EYS: variants seen among roughly 807,000 people sequenced by gnomAD.
EYS encodes EGF-like photoreceptor maintenance factor, also known as protein eyes shut homolog.
A neutral mutation model predicts 282.1 loss-of-function variants in EYS; 250 were observed. The observed-to-expected ratio is 0.89, with a 90% CI of 0.80 to 0.98. EYS has a LOEUF of 0.98. EYS is among the 50% of genes least tolerant of loss of function. EYS has a pLI of 0.00. For synonymous variants in EYS, 1,355 were observed against 1,282.9 expected (o/e 1.06, Z -1.20); for missense variants, 4,016 against 3,709.0 (o/e 1.08, Z -2.15).
intron 19 of EYS, among the ~76,000 whole-genome samples, chr6:64,828,305 A>C (rs2150026374): frequency 6.6e-6 from 1 of 152,034 alleles, no homozygotes; most frequent in South Asian, 2.1e-4. Flanking sequence ...GGAATCCCTA[A>C]AGTAAAAGGG....
At chr6:65,053,080 G>T (rs191939912) in intron 13 of EYS, among the ~76,000 whole-genome samples, 1 of 151,880 alleles carries the variant, frequency 6.6e-6, no homozygotes, top group East Asian at 1.9e-4. Context: ...CTCTGCAGAA[G>T]TAATTACACC....
chr6:64,090,443 T>G (rs1486309066), intron 31 of EYS, among the ~76,000 whole-genome samples: 1 of 152,174 alleles, frequency 6.6e-6, no homozygotes, highest in African/African-American at 2.4e-5. Context: ...TGTAATCTTT[T>G]TCAATATAGA....
chr6:64,121,527 G>GTTATGTTTAACATCATCTTGT (rs1420633385), intron 31 of EYS, among the ~76,000 whole-genome samples: 1 of 152,212 alleles, frequency 6.6e-6, no homozygotes, highest in Non-Finnish European at 1.5e-5. Flanking sequence ...ATCATCTTGT[G>GTTATGTTTAACATCATCTTGT]GCCTAATGGT....
intron 13 of EYS, among the ~76,000 whole-genome samples, chr6:65,023,235 A>T (rs2150139632): frequency 6.6e-6 from 1 of 152,258 alleles, no homozygotes; most frequent in East Asian, 1.9e-4. Context: ...TTTTAATTAT[A>T]TTAACTGCGG....
chr6:63,829,353 C>A (rs549016754), intron 36 of EYS, among the ~76,000 whole-genome samples: 2 of 152,152 alleles, frequency 1.3e-5, no homozygotes, highest in African/African-American at 2.4e-5. Flanking sequence ...AAAATTGGGA[C>A]ACTCCCACCC....
chr6:65,426,248 T>C (rs187585077), intron 5 of EYS, among the ~76,000 whole-genome samples: 39 of 152,162 alleles, frequency 2.6e-4, no homozygotes, highest in Admixed American at 5.2e-4. Context: ...AGTGATGAGA[T>C]TACTTAAGGC....
intron 26 of EYS, among the ~76,000 whole-genome samples, chr6:64,557,667 C>T (rs1765273599): frequency 6.6e-6 from 1 of 151,894 alleles, no homozygotes; most frequent in Non-Finnish European, 1.5e-5. Flanking sequence ...TAACTATTAA[C>T]TTTATTACTA....
chr6:64,700,097 G>A (rs1583056023), intron 22 of EYS, among the ~76,000 whole-genome samples: 1 of 151,934 alleles, frequency 6.6e-6, no homozygotes, highest in Non-Finnish European at 1.5e-5. Flanking sequence ...ATCAATAAAT[G>A]TGATTCCCCA....
intron 31 of EYS, among the ~76,000 whole-genome samples, chr6:64,133,633 T>A (rs2150283367): frequency 6.6e-6 from 1 of 152,168 alleles, no homozygotes; most frequent in African/African-American, 2.4e-5. Flanking sequence ...ATTTTCTCCA[T>A]ATCTTGTATT....
intron 1 of EYS, among the ~76,000 whole-genome samples, chr6:65,660,171 TA>T: frequency 6.6e-6 from 1 of 151,888 alleles, no homozygotes; most frequent in South Asian, 2.1e-4. Context: ...TGTGCAAATG[TA>T]AAAAATCATG....
chr6:64,422,529 G>A (rs1221760284), intron 28 of EYS, among the ~76,000 whole-genome samples: 1 of 152,182 alleles, frequency 6.6e-6, no homozygotes, highest in East Asian at 1.9e-4. Context: ...GGATGCCTCA[G>A]GGAGGAAACA....
At chr6:64,682,682 A>T (rs1769942440) in intron 22 of EYS, among the ~76,000 whole-genome samples, 1 of 152,164 alleles carries the variant, frequency 6.6e-6, no homozygotes, top group South Asian at 2.1e-4. Context: ...AGGGAGTAGT[A>T]TTGAGAAAGA....
At chr6:64,072,367 A>G (rs532488062) in intron 32 of EYS, among the ~76,000 whole-genome samples, 56 of 150,802 alleles carry the variant, frequency 3.7e-4, no homozygotes, top group South Asian at 2.3e-3. Flanking sequence ...TCTGAGATCC[A>G]TTAGCAGGTT....
intron 30 of EYS, among the ~76,000 whole-genome samples, chr6:64,280,333 T>C (rs1287115478): frequency 6.6e-6 from 1 of 152,096 alleles, no homozygotes; most frequent in Non-Finnish European, 1.5e-5. Flanking sequence ...GCAGGTGACT[T>C]AACCTCACCT....
chr6:63,846,027 G>A (rs1184998768), intron 36 of EYS, among the ~76,000 whole-genome samples: 1 of 152,146 alleles, frequency 6.6e-6, no homozygotes, highest in Non-Finnish European at 1.5e-5. Flanking sequence ...ATAAAGGAGA[G>A]AGGTTTAATG....
rs34663169 is a variant in EYS at position 64,249,063 on chromosome 6, C to CAAAAAAAAAAAAA, written c.6192-18252_6192-18240dup. Reference sequence around the variant, plus strand: ...TGGGCTACAGAGTGACACCCTGTCTCAAAAAAAAAAAAAAAAAAAAAAGAT... The same window carrying CAAAAAAAAAAAAA: ...TGGGCTACAGAGTGACACCCTGTCTCAAAAAAAAAAAAAAAAAAAAAAAAAAAAAAAAAAAGAT... On this transcript the variant is annotated intron_variant, in intron 30 of 42. Transcript: ENST00000503581. 1.6e-4 allele frequency among the ~76,000 whole-genome samples: 11 copies of CAAAAAAAAAAAAA among 70,054 alleles called. 2 individuals carry two copies. Among genetic ancestry groups the CAAAAAAAAAAAAA allele is most frequent in the African/African-American group, 6.3e-4 (9 of 14,222 alleles). 46.0% of individuals were successfully genotyped at this position (70,054 alleles called of 152,430 possible).
chr6:64,984,686 G>A (rs1448999871), intron 14 of EYS, among the ~76,000 whole-genome samples: 2 of 151,348 alleles, frequency 1.3e-5, no homozygotes, highest in African/African-American at 4.8e-5. Context: ...TGATGGGTTT[G>A]TAATATGTCC....
At chr6:63,877,624 G>GTT (rs143975769) in intron 35 of EYS, among the ~76,000 whole-genome samples, 8 of 151,796 alleles carry the variant, frequency 5.3e-5, no homozygotes, top group Non-Finnish European at 1.2e-4. Context: ...ACGTAGATTT[G>GTT]TTTTTTTTAC....
chr6:64,504,747 G>A (rs1443890640), intron 26 of EYS, among the ~76,000 whole-genome samples: 1 of 152,194 alleles, frequency 6.6e-6, no homozygotes, highest in African/African-American at 2.4e-5. Flanking sequence ...CAGCACAGAT[G>A]TGAAAAGTAA....
Sources: gnomAD v4.1 joint callset for allele counts (sites outside exome capture counted in the v4.1 genomes callset) on GRCh38, gnomAD v4.1.1 for gene constraint, MANE v1.5 for transcripts, NCBI Gene and HGNC (gene_info 2026-07-23, HGNC 2026-07-21) for gene names.